EFHC1: variants seen among roughly 807,000 people sequenced by gnomAD.
The protein encoded by EFHC1 is EF-hand domain-containing protein 1.
In EFHC1, 53 loss-of-function variants were observed where a neutral mutation model predicts 69.9. The observed-to-expected ratio is 0.76, with a 90% CI of 0.61 to 0.95. EFHC1 has a LOEUF of 0.95. Among genes scored for constraint, EFHC1 ranks in the 40% least tolerant of loss-of-function variants. The pLI, the probability that EFHC1 is intolerant of heterozygous loss-of-function variation, is 0.00. For synonymous variants in EFHC1, 256 were observed against 278.4 expected, an observed-to-expected ratio of 0.92 and a Z score of 0.80; for missense variants, 739 against 798.7, an observed-to-expected ratio of 0.93 and a Z score of 0.90.
intron 7 of EFHC1, among the ~76,000 whole-genome samples, chr6:52,473,754 C>G (rs1765487992): frequency 6.6e-6 from 1 of 151,878 alleles, no homozygotes; most frequent in Non-Finnish European, 1.5e-5. Flanking sequence ...TTCACTTCAG[C>G]CTGGGTGGCA....
chr6:52,492,581 CA>C lies in EFHC1; in HGVS notation c.*241del, dbSNP rs1765931891. ...TTTGTGTGTCAAATTGACTTGGCCA[CA>C]GGGGGCCCAAATATTTCCTTTCTTT... On this transcript the variant is annotated 3_prime_UTR_variant, in exon 11 of 11. Coordinates refer to ENST00000371068, the MANE Select transcript of EFHC1 (RefSeq NM_018100.4). The C allele has an allele frequency of 3.1e-6, 2 of 649,182 alleles. No homozygotes were observed. Among genetic ancestry groups the C allele is most frequent in the Admixed American group, 2.1e-5 (1 of 48,520 alleles). 40.2% of individuals were successfully genotyped at this position (649,182 alleles called of 1,614,324 possible).
chr6:52,453,409 C>A (rs1192989238), intron 4 of EFHC1: 2 of 1,287,044 alleles, frequency 1.6e-6, no homozygotes, highest in Admixed American at 4.6e-5. Flanking sequence ...TAAATCCTTC[C>A]CTTTCTGTAC....
At chr6:52,439,755 A>G (rs1764618438) in intron 3 of EFHC1, among the ~76,000 whole-genome samples, 2 of 152,148 alleles carry the variant, frequency 1.3e-5, no homozygotes, top group South Asian at 2.1e-4. Flanking sequence ...GAAAGGAGCC[A>G]TGGCATCAGT....
intron 3 of EFHC1, 88 bp from the exon 4 acceptor site, chr6:52,452,600 C>A: frequency 1.4e-6 from 2 of 1,475,466 alleles, no homozygotes; most frequent in Non-Finnish European, 1.9e-6. Context: ...CAGTGCCTGG[C>A]CCATACACTT....
intron 1 of EFHC1, 154 bp from the exon 2 acceptor site, chr6:52,423,792 C>A: frequency 6.5e-7 from 1 of 1,532,070 alleles, no homozygotes; most frequent in Admixed American, 2.0e-5. Context: ...AGGCACGAGC[C>A]ACCATGCCCA....
chr6:52,427,815 CTT>C (rs1764334043), intron 2 of EFHC1, among the ~76,000 whole-genome samples: 1 of 152,086 alleles, frequency 6.6e-6, no homozygotes, highest in Admixed American at 6.5e-5. Flanking sequence ...AAAAATGTGA[CTT>C]GGCTTTTTAT....
chr6:52,450,714 G>T (rs1252942461), intron 3 of EFHC1, among the ~76,000 whole-genome samples: 1 of 152,056 alleles, frequency 6.6e-6, no homozygotes, highest in Non-Finnish European at 1.5e-5. Flanking sequence ...TGTGAGATAG[G>T]TCTCTTGAAG....
At position 52,438,710 on chromosome 6, in the gene EFHC1, T is replaced by C. The variant is rs979036137; in HGVS notation, c.573+119T>C. The C allele has an allele frequency of 7.4e-6, 8 of 1,077,884 alleles. No individual in the cohort carries two copies. The East Asian group carries it at 1.9e-4, about 26-fold the overall frequency. The allele number at this position is 1,077,884 out of a possible 1,614,324, so 66.8% of individuals were successfully genotyped here. A position where few individuals can be genotyped will look rare whatever the true frequency, so the allele number is the denominator to read the frequency against. On this transcript the variant is annotated intron_variant, in intron 3 of 10. Transcript: ENST00000371068. ...TGGTAATCTGTCCTGCATGAATTAT[T>C]ATGAATGGCTAGGTATTTGCATGTG...
chr6:52,462,229 T>A (rs909573035), intron 5 of EFHC1, among the ~76,000 whole-genome samples: 1 of 151,476 alleles, frequency 6.6e-6, no homozygotes, highest in African/African-American at 2.4e-5. Context: ...TAAAAAAAAA[T>A]ATTGTCAGAA....
chr6:52,492,587 G>T lies in EFHC1; in HGVS notation c.*246G>T, dbSNP rs1012775236. On this transcript the variant is annotated 3_prime_UTR_variant, in exon 11 of 11. Coordinates refer to ENST00000371068, the MANE Select transcript of EFHC1 (RefSeq NM_018100.4). Reference sequence around the variant, plus strand: ...TGTCAAATTGACTTGGCCACAGGGGGCCCAAATATTTCCTTTCTTTCTTTT... The same window carrying T: ...TGTCAAATTGACTTGGCCACAGGGGTCCCAAATATTTCCTTTCTTTCTTTT... The T allele has an allele frequency of 2.7e-5, 17 of 639,914 alleles. No homozygotes were observed. The highest frequency in any genetic ancestry group is 1.8e-4 in the African/African-American group (10 of 55,734). The allele number at this position is 639,914 out of a possible 1,614,324, so 39.6% of individuals were successfully genotyped here.
intron 3 of EFHC1, among the ~76,000 whole-genome samples, chr6:52,439,522 C>G (rs1234276925): frequency 6.6e-6 from 1 of 152,104 alleles, no homozygotes; most frequent in Admixed American, 6.6e-5. Flanking sequence ...TTCTCCTTTC[C>G]TTGCATGTTA....
rs777313577 is a variant in EFHC1, at chr6:52,420,481, G to A, written c.63+8G>A. The A allele has an allele frequency of 1.9e-6, 3 of 1,614,180 alleles. No homozygotes were observed. The highest frequency in any genetic ancestry group is 1.7e-6 in the Non-Finnish European group (2 of 1,180,022). On this transcript the variant is annotated splice_region_variant and intron_variant, in intron 1 of 10. Coordinates refer to ENST00000371068, the MANE Select transcript of EFHC1 (RefSeq NM_018100.4). ...TCCTTTAAGGACTCTACGGTGAGCA[G>A]TTATCTGCCAGACTCCCACCTGTCC...
intron 2 of EFHC1, among the ~76,000 whole-genome samples, chr6:52,429,149 T>C (rs547588120): frequency 1.6e-4 from 25 of 152,358 alleles, no homozygotes; most frequent in African/African-American, 5.8e-4. Flanking sequence ...GGTTGTCTGT[T>C]TACTCTGTTG....
At chr6:52,420,521 C>T in intron 1 of EFHC1, 48 bp downstream of exon 1, 1 of 1,611,248 alleles carries the variant, frequency 6.2e-7, no homozygotes, top group Non-Finnish European at 8.5e-7. Context: ...CTTCCAGCAG[C>T]CCAGGAGGTT....
chr6:52,465,073 A>C lies in EFHC1; in HGVS notation c.1095A>C (p.Pro365=). 6.2e-7 allele frequency: 1 copy of C among 1,614,090 alleles called. No individual in the cohort carries two copies. The highest frequency in any genetic ancestry group is 8.5e-7 in the Non-Finnish European group (1 of 1,180,034). Residue 365 remains proline (P), a synonymous_variant, in exon 6 of 11, where the codon CCA becomes CCC. Transcript: ENST00000371068. Reference sequence around the variant, plus strand: ...AGAAGTTTGGAATCACTGATTTACCACGTATTGATGTGAGCAAGCGGGAAC... The same window carrying C: ...AGAAGTTTGGAATCACTGATTTACCCCGTATTGATGTGAGCAAGCGGGAAC... ...YKEKFGITDL[P]RIDVSKREPP... is the part of the protein sequence containing the mutation.
At chr6:52,489,234 A>T (rs1036470076) in intron 9 of EFHC1, 1 of 152,222 alleles carries the variant, frequency 6.6e-6, no homozygotes, top group Non-Finnish European at 1.5e-5. Flanking sequence ...ATTCAGTGAG[A>T]GGTGACTGGG....
rs775002342 is a variant in EFHC1, at chr6:52,423,980, A to G, written c.98A>G (p.Tyr33Cys). The G allele has an allele frequency of 4.3e-6, 7 of 1,614,000 alleles. No individual in the cohort carries two copies. In the African/African-American group the frequency reaches 5.3e-5, roughly 12 times the overall value. ...TAFHRSQTLS[Y>C]RNGYAIVRRP... ...TTCCACAGAAGTCAGACGCTGAGCT[A>G]CAGGAACGGCTATGCAATTGTTCGA... is the stretch of plus-strand genomic sequence containing the variant. The change falls in exon 2 of 11, where the codon TAC (tyrosine) becomes TGC (cysteine). Residue 33 changes from tyrosine to cysteine, a missense_variant. Transcript: ENST00000371068.
In EFHC1 at chr6:52,496,824, C is replaced by CA. The variant is rs1456511277; in HGVS notation, c.*4484dup. 2 of 152,230 alleles carry CA rather than the reference C, an allele frequency of 1.3e-5. No homozygotes were observed. The highest frequency in any genetic ancestry group is 4.8e-5 in the African/African-American group (2 of 41,444). The allele number at this position is 152,230 out of a possible 1,614,324, so 9.4% of individuals were successfully genotyped here. On this transcript the variant is annotated 3_prime_UTR_variant, in exon 11 of 11. Transcript: ENST00000371068. Reference sequence around the variant, plus strand: ...TCAAGCAAACATTTCCTCTTTCTCACACCCCATGGGTGTCCTTGACTAACT... The same window carrying CA: ...TCAAGCAAACATTTCCTCTTTCTCACAACCCCATGGGTGTCCTTGACTAACT...
chr6:52,439,881 C>A (rs1485841214), intron 3 of EFHC1, among the ~76,000 whole-genome samples: 1 of 152,010 alleles, frequency 6.6e-6, no homozygotes, highest in South Asian at 2.1e-4. Flanking sequence ...TGTCTGAGGT[C>A]TTATATATCA....
Sources: allele counts gnomAD v4.1 joint callset (sites outside exome capture counted in the v4.1 genomes callset), GRCh38; gene constraint gnomAD v4.1.1; transcripts MANE v1.5; gene names NCBI Gene and HGNC (gene_info 2026-07-23, HGNC 2026-07-21).